The following EFNB2 variants were observed in gnomAD, a reference collection of about 807,000 sequenced individuals.
EFNB2 encodes the protein ephrin-B2.
Under a neutral mutation model 32.1 loss-of-function variants are expected in EFNB2, and 5 were observed. The observed-to-expected ratio is 0.16, with a 90% CI of 0.08 to 0.33. EFNB2 has a LOEUF of 0.33. Among genes scored for constraint, EFNB2 ranks in the 10% least tolerant of loss-of-function variants. The pLI, the probability that EFNB2 is intolerant of heterozygous loss-of-function variation, is 1.00. For synonymous variants in EFNB2, 168 were observed against 166.5 expected (o/e 1.01, Z -0.07); for missense variants, 263 against 422.6 (o/e 0.62, Z 3.31).
At chr13:106,510,947 C>T (rs1220286564) in intron 2 of EFNB2, among the ~76,000 whole-genome samples, 2 of 151,748 alleles carry the variant, frequency 1.3e-5, no homozygotes, top group African/African-American at 4.8e-5. Context: ...TGCAGTGAGC[C>T]GAGATCACGC....
At chr13:106,514,974 C>T (rs1282471502) in intron 1 of EFNB2, among the ~76,000 whole-genome samples, 2 of 152,192 alleles carry the variant, frequency 1.3e-5, no homozygotes, top group Non-Finnish European at 2.9e-5. Flanking sequence ...CACCCTATGT[C>T]TCAAGTTTGG....
Position 106,518,820 on chromosome 13 carries a change from C to T in EFNB2, c.123-6008G>A, listed in dbSNP as rs1393375261. The T allele has an allele frequency of 6.6e-6, 1 of 150,702 alleles. No individual in the cohort carries two copies. Among genetic ancestry groups the T allele is most frequent in the Non-Finnish European group, 1.5e-5 (1 of 68,024 alleles). 9.3% of individuals were successfully genotyped at this position (150,702 alleles called of 1,614,324 possible). On this transcript the variant is annotated intron_variant, in intron 1 of 4. Transcript: ENST00000646441. This position sits in a 1 kb window ranked among gnomAD's most constrained non-coding sequence, Gnocchi z 4.1. ...TCTTCCTCTGACCATACTACACGCA[C>T]CTTAGCACAAACATCTGATGCCTTC...
In EFNB2 at chr13:106,493,414, C is replaced by T. The variant is rs368363140; in HGVS notation, c.628G>A (p.Gly210Ser). 4.2e-5 allele frequency: 67 copies of T among 1,612,140 alleles called. No individual in the cohort carries two copies. The highest frequency in any genetic ancestry group is 5.2e-5 in the Non-Finnish European group (61 of 1,178,846). The change falls in exon 5 of 5, where the codon GGC (glycine) becomes AGC (serine). Residue 210 changes from glycine to serine, a missense_variant. Physicochemically the swap from Gly to Ser is moderately conservative, Grantham distance 56 (BLOSUM62 0). This residue lies in a region of EFNB2 where 172 missense variants were observed against 237.1 expected (regional missense o/e 0.73). Coordinates refer to ENST00000646441, the MANE Select transcript of EFNB2 (RefSeq NM_004093.4). This position sits in a 1 kb window ranked among gnomAD's most constrained non-coding sequence, Gnocchi z 6.1. ...TTCCCCGAATGTCCGGCGCTGTTGC[C>T]GTCTGTGCTAGAACCTGCAGACGCG... The part of the protein sequence containing the change: ...VKPNPGSSTD[G>S]NSAGHSGNNI...
rs112375356 is a variant in EFNB2 at position 106,532,092 on chromosome 13, A to C, written c.122+2751T>G. On this transcript the variant is annotated intron_variant, in intron 1 of 4. Transcript: ENST00000646441. The stretch of plus-strand genomic sequence containing the variant: ...CAAAAAAAAAACCAAAACTTTAAAC[A>C]ACCAAAATGGCTACAACGGACCCAA... Among the ~76,000 whole-genome samples, 825 of 151,390 alleles carry C rather than the reference A, an allele frequency of 5.4e-3. 11 individuals are homozygous for C. The highest frequency in any genetic ancestry group is 0.019 in the African/African-American group (785 of 41,050).
chr13:106,492,996 A>G lies in EFNB2; in HGVS notation c.*44T>C. 6.4e-7 allele frequency: 1 copy of G among 1,561,474 alleles called. No individual in the cohort carries two copies. The highest frequency in any genetic ancestry group is 8.7e-7 in the Non-Finnish European group (1 of 1,153,054). On this transcript the variant is annotated 3_prime_UTR_variant, in exon 5 of 5. Coordinates refer to ENST00000646441, the MANE Select transcript of EFNB2 (RefSeq NM_004093.4). This position sits in a 1 kb window ranked among gnomAD's most constrained non-coding sequence, Gnocchi z 5.1. ...AAACCCTCAAGGGAGGCATCGGGACATTAGGTGTCCTCTGGGAAAGCACAG... is the reference window on the plus strand; with the variant it reads ...AAACCCTCAAGGGAGGCATCGGGACGTTAGGTGTCCTCTGGGAAAGCACAG...
At chr13:106,500,392 G>A (rs947469732) in intron 2 of EFNB2, among the ~76,000 whole-genome samples, 1 of 152,210 alleles carries the variant, frequency 6.6e-6, no homozygotes, top group African/African-American at 2.4e-5. Context: ...TGGTATCACA[G>A]TTCTTATGGA....
intron 1 of EFNB2, among the ~76,000 whole-genome samples, chr13:106,526,034 G>C (rs1401057466): frequency 6.6e-6 from 1 of 152,078 alleles, no homozygotes; most frequent in African/African-American, 2.4e-5. Flanking sequence ...AGTTGCCAGC[G>C]TCACCTGGGA....
chr13:106,501,814 G>A (rs375579379), intron 2 of EFNB2, among the ~76,000 whole-genome samples: 2 of 152,130 alleles, frequency 1.3e-5, no homozygotes, highest in South Asian at 2.1e-4. Flanking sequence ...GTTTGGTCTC[G>A]ATCTCCTGAC....
intron 1 of EFNB2, among the ~76,000 whole-genome samples, chr13:106,531,944 T>TA (rs888988517): frequency 7.9e-5 from 12 of 151,678 alleles, no homozygotes; most frequent in East Asian, 1.9e-4. Context: ...AATTTTTTTT[T>TA]AAAAAAGAGC....
In EFNB2 at chr13:106,535,044, G is replaced by C; in HGVS notation, c.-80C>G. The C allele has an allele frequency of 6.4e-7, 1 of 1,559,300 alleles. No homozygotes were observed. On this transcript the variant is annotated 5_prime_UTR_variant, in exon 1 of 5. Coordinates refer to ENST00000646441, the MANE Select transcript of EFNB2 (RefSeq NM_004093.4). ...GCAGGCTGGGACCCCCAATCCTCCGGGGCAGACTGGCGGGGAAGACGGCGT... is the reference window on the plus strand; with the variant it reads ...GCAGGCTGGGACCCCCAATCCTCCGCGGCAGACTGGCGGGGAAGACGGCGT...
At position 106,532,067 on chromosome 13, in the gene EFNB2, C is replaced by CA. The variant is rs869285385; in HGVS notation, c.122+2775dup. On this transcript the variant is annotated intron_variant, in intron 1 of 4. Transcript: ENST00000646441. ...GTTCTCTGCTGAATTAAAAAAAAAA[C>CA]AAAAAAAAAACCAAAACTTTAAACA... Among the ~76,000 whole-genome samples, 57 of 38,014 alleles carry CA rather than the reference C, an allele frequency of 1.5e-3. 1 individual carries two copies. The highest frequency in any genetic ancestry group is 0.012 in the East Asian group (5 of 416). The allele number at this position is 38,014 out of a possible 152,430, so 24.9% of individuals were successfully genotyped here.
chr13:106,522,308 T>G (rs1047019620), intron 1 of EFNB2, among the ~76,000 whole-genome samples: 21 of 152,244 alleles, frequency 1.4e-4, no homozygotes, highest in Non-Finnish European at 2.5e-4. Flanking sequence ...GTAATTTGTG[T>G]GCACCTGTAC....
At chr13:106,497,715 G>C (rs899050647) in intron 2 of EFNB2, among the ~76,000 whole-genome samples, 1 of 151,834 alleles carries the variant, frequency 6.6e-6, no homozygotes, top group African/African-American at 2.4e-5. Flanking sequence ...GACAGGCCCC[G>C]GTGTGTGATT....
intron 3 of EFNB2, 107 bp downstream of exon 3, chr13:106,495,641 A>G: frequency 4.5e-6 from 5 of 1,101,338 alleles, no homozygotes; most frequent in Non-Finnish European, 5.3e-6. Context: ...TGCTTTGAAA[A>G]CTAAAAAGAA....
At chr13:106,514,774 G>A (rs898347281) in intron 1 of EFNB2, among the ~76,000 whole-genome samples, 3 of 152,078 alleles carry the variant, frequency 2.0e-5, no homozygotes, top group Admixed American at 6.5e-5. Context: ...CTATATAAGG[G>A]TTAGCTACTA....
intron 1 of EFNB2, chr13:106,520,144 A>T (rs1005827202): frequency 2.6e-5 from 4 of 152,236 alleles, no homozygotes; most frequent in Non-Finnish European, 5.9e-5. Flanking sequence ...TGCAAACCAA[A>T]AGTCATGTAA....
chr13:106,510,506 C>T (rs554264300), intron 2 of EFNB2, among the ~76,000 whole-genome samples: 102 of 152,324 alleles, frequency 6.7e-4, no homozygotes, highest in Non-Finnish European at 1.1e-3. Context: ...TCGGCATTAT[C>T]GGTGGACGTG....
chr13:106,492,878 G>C lies in EFNB2; in HGVS notation c.*162C>G. The C allele has an allele frequency of 1.1e-6, 1 of 898,540 alleles. No individual in the cohort carries two copies. Among genetic ancestry groups the C allele is most frequent in the Non-Finnish European group, 1.6e-6 (1 of 608,096 alleles). 55.7% of individuals were successfully genotyped at this position (898,540 alleles called of 1,614,324 possible). On this transcript the variant is annotated 3_prime_UTR_variant, in exon 5 of 5. Coordinates refer to ENST00000646441, the MANE Select transcript of EFNB2 (RefSeq NM_004093.4). This position sits in a 1 kb window ranked among gnomAD's most constrained non-coding sequence, Gnocchi z 5.1. ...ACCAAGGCCGAATGCTACAAGACTA[G>C]GTAAGCTGTCCAGCGCGACGGGCTC...
chr13:106,519,752 T>C (rs1566461241), intron 1 of EFNB2: 1 of 152,252 alleles, frequency 6.6e-6, no homozygotes, highest in Non-Finnish European at 1.5e-5. Flanking sequence ...GAATGATTTT[T>C]AGCTTTCTGT....
Sources: gnomAD v4.1 joint callset for allele counts (sites outside exome capture counted in the v4.1 genomes callset) on GRCh38, gnomAD v4.1.1 for gene constraint, gnomAD v4.1.1 regional missense constraint, Gnocchi (gnomAD v3.1) non-coding constraint, MANE v1.5 for transcripts, NCBI Gene and HGNC (gene_info 2026-07-23, HGNC 2026-07-21) for gene names.